LIN54: variants seen among roughly 807,000 people sequenced by gnomAD.
The protein encoded by LIN54 is lin-54 DREAM MuvB core complex component, also known as protein lin-54 homolog.
In LIN54, 9 loss-of-function variants were observed where a neutral mutation model predicts 78.7. That is an observed-to-expected ratio of 0.11 (90% CI 0.07 to 0.20). LIN54 has a LOEUF of 0.20. Among genes scored for constraint, LIN54 ranks in the 10% least tolerant of loss-of-function variants. The probability of loss-of-function intolerance (pLI) is 1.00; values close to 1 mark genes in which losing one functional copy is unlikely to be tolerated. For missense variants in LIN54, 573 were observed against 889.9 expected, an observed-to-expected ratio of 0.64 and a Z score of 4.53; for synonymous variants, 269 against 318.4, an observed-to-expected ratio of 0.84 and a Z score of 1.65.
chr4:82,999,765 G>A (rs1231377722), intron 1 of LIN54, among the ~76,000 whole-genome samples: 3 of 110,352 alleles, frequency 2.7e-5, no homozygotes, highest in Admixed American at 1.3e-4. Flanking sequence ...GTGACAGGGC[G>A]AGACTCTGTC....
chr4:82,928,681 C>G (rs972574838), intron 12 of LIN54, among the ~76,000 whole-genome samples: 4 of 152,136 alleles, frequency 2.6e-5, no homozygotes, highest in Non-Finnish European at 5.9e-5. Context: ...GCTCCAGTGC[C>G]TAGAATAGTG....
intron 1 of LIN54, among the ~76,000 whole-genome samples, chr4:82,994,902 G>A (rs558621195): frequency 6.6e-6 from 1 of 152,108 alleles, no homozygotes; most frequent in South Asian, 2.1e-4. Flanking sequence ...GTTGTCAGAA[G>A]AACATACGTT....
chr4:82,974,773 C>T (rs1213754650), intron 3 of LIN54, among the ~76,000 whole-genome samples: 1 of 151,288 alleles, frequency 6.6e-6, no homozygotes, highest in Non-Finnish European at 1.5e-5. Flanking sequence ...GCAGGAGGAT[C>T]ACTTGAACCC....
chr4:82,978,820 CA>C, intron 3 of LIN54, 62 bp downstream of exon 3: 1 of 1,038,368 alleles, frequency 9.6e-7, no homozygotes, highest in Admixed American at 2.1e-5. Context: ...GTTGGCAGAA[CA>C]GCCTTTTTAA....
chr4:83,001,981 AG>A (rs1314238737), intron 1 of LIN54, among the ~76,000 whole-genome samples: 302 of 26,616 alleles, frequency 0.011, 128 homozygotes, highest in Middle Eastern at 0.048. Flanking sequence ...GAAGGAAGGG[AG>A]GGATCTTGGA....
intron 1 of LIN54, among the ~76,000 whole-genome samples, chr4:83,004,604 C>CAAGA (rs1317337793): frequency 4.9e-5 from 7 of 143,808 alleles, no homozygotes; most frequent in South Asian, 2.2e-4. Context: ...ATCCTCCCAC[C>CAAGA]TCAGCCTCCC....
chr4:82,932,546 C>T (rs554616435), intron 11 of LIN54, among the ~76,000 whole-genome samples: 350 of 150,602 alleles, frequency 2.3e-3, no homozygotes, highest in Non-Finnish European at 2.4e-3. Context: ...ATGCCAGGCG[C>T]GGTGGCTCAC....
Position 82,966,954 on chromosome 4 carries a change from A to C in LIN54, c.951+3373T>G, listed in dbSNP as rs114471710. 6.3e-3 allele frequency among the ~76,000 whole-genome samples: 965 copies of C among 152,146 alleles called. 10 individuals carry two copies. The highest frequency in any genetic ancestry group is 0.022 in the African/African-American group (915 of 41,516). On this transcript the variant is annotated intron_variant, in intron 4 of 12. Transcript: ENST00000340417. ...GGCTATCAACTTATTAAGATAAATA[A>C]GCTTAGCCGTTACGTCTGTAATCCC...
At chr4:82,931,249 T>C in intron 11 of LIN54, 104 bp from the exon 12 acceptor site, 2 of 795,654 alleles carry the variant, frequency 2.5e-6, no homozygotes, top group Non-Finnish European at 4.2e-6. Context: ...CCTGGTCAAC[T>C]GATAATAAGA....
intron 4 of LIN54, among the ~76,000 whole-genome samples, chr4:82,965,141 A>C (rs1392688968): frequency 2.0e-5 from 3 of 152,228 alleles, no homozygotes; most frequent in Non-Finnish European, 4.4e-5. Flanking sequence ...ATAAGATTAC[A>C]AAAGTCACAT....
At chr4:82,986,372 C>T (rs1370614496) in intron 1 of LIN54, among the ~76,000 whole-genome samples, 1 of 152,164 alleles carries the variant, frequency 6.6e-6, no homozygotes, top group African/African-American at 2.4e-5. Flanking sequence ...CCACGCTGGC[C>T]TCCCAAAGTG....
intron 5 of LIN54, among the ~76,000 whole-genome samples, chr4:82,943,965 T>G (rs1034941533): frequency 6.7e-6 from 1 of 149,722 alleles, no homozygotes; most frequent in Non-Finnish European, 1.5e-5. Flanking sequence ...GCCTCCCGGG[T>G]TCAAGTGATT....
At chr4:82,941,700 G>A (rs943096489) in intron 5 of LIN54, among the ~76,000 whole-genome samples, 1 of 152,176 alleles carries the variant, frequency 6.6e-6, no homozygotes, top group South Asian at 2.1e-4. Flanking sequence ...AAGAGACCTG[G>A]TGTAGGTGAA....
At chr4:83,008,372 C>T (rs763275662) in intron 1 of LIN54, among the ~76,000 whole-genome samples, 20 of 152,116 alleles carry the variant, frequency 1.3e-4, no homozygotes, top group Admixed American at 9.2e-4. Flanking sequence ...GAAAATCGGC[C>T]GGGCGCAGTG....
intron 4 of LIN54, among the ~76,000 whole-genome samples, chr4:82,961,748 T>G (rs945737654): frequency 6.6e-6 from 1 of 151,764 alleles, no homozygotes; most frequent in East Asian, 1.9e-4. Context: ...AGGTCAGGAG[T>G]TTGAGACCAG....
chr4:82,965,590 A>G (rs1341885017), intron 4 of LIN54, among the ~76,000 whole-genome samples: 2 of 152,328 alleles, frequency 1.3e-5, no homozygotes, highest in East Asian at 1.9e-4. Context: ...TAAAAGGAAC[A>G]TTCAATGAAA....
At chr4:82,992,885 G>A (rs1333718805) in intron 1 of LIN54, among the ~76,000 whole-genome samples, 6 of 151,800 alleles carry the variant, frequency 4.0e-5, no homozygotes, top group South Asian at 4.2e-4. Flanking sequence ...AAAATTAGCC[G>A]GGCATGGTAG....
intron 1 of LIN54, among the ~76,000 whole-genome samples, chr4:83,002,200 G>C (rs1401110821): frequency 6.6e-6 from 1 of 151,546 alleles, no homozygotes; most frequent in Non-Finnish European, 1.5e-5. Context: ...ACACAATGAA[G>C]CTAAAGCAAA....
intron 3 of LIN54, among the ~76,000 whole-genome samples, chr4:82,971,748 A>C (rs1268334867): frequency 6.6e-6 from 1 of 152,156 alleles, no homozygotes; most frequent in African/African-American, 2.4e-5. Flanking sequence ...ATTTCAACAC[A>C]AGTGAGTTTC....
Sources: allele counts gnomAD v4.1 joint callset (sites outside exome capture counted in the v4.1 genomes callset), GRCh38; gene constraint gnomAD v4.1.1; transcripts MANE v1.5; gene names NCBI Gene and HGNC (gene_info 2026-07-23, HGNC 2026-07-21).